The following TTC17 variants were observed in gnomAD, a reference collection of about 807,000 sequenced individuals.
The protein encoded by TTC17 is tetratricopeptide repeat domain 17.
In TTC17, 58 loss-of-function variants were observed where a neutral mutation model predicts 143.8. The observed-to-expected ratio is 0.40, with a 90% confidence interval of 0.33 to 0.50. The LOEUF is 0.50. Among genes scored for constraint, TTC17 ranks in the 20% least tolerant of loss-of-function variants. The probability of loss-of-function intolerance (pLI) is 0.49; values close to 1 mark genes in which losing one functional copy is unlikely to be tolerated. For synonymous variants in TTC17, 501 were observed against 497.8 expected (o/e 1.01, Z -0.09); for missense variants, 1,273 against 1,392.5 (o/e 0.91, Z 1.37).
chr11:43,429,166 T>G (rs939673773), intron 16 of TTC17, among the ~76,000 whole-genome samples: 1 of 152,218 alleles, frequency 6.6e-6, no homozygotes, highest in East Asian at 1.9e-4. Flanking sequence ...TATGCTTATA[T>G]TAGCAGTGGT....
At chr11:43,463,481 G>A (rs1448450935) in intron 21 of TTC17, among the ~76,000 whole-genome samples, 1 of 150,096 alleles carries the variant, frequency 6.7e-6, no homozygotes, top group African/African-American at 2.4e-5. Context: ...AGTTGTAAGA[G>A]AATTTTAAAA....
chr11:43,384,062 A>T (rs1042088599), intron 2 of TTC17, among the ~76,000 whole-genome samples: 7 of 151,640 alleles, frequency 4.6e-5, no homozygotes, highest in African/African-American at 1.7e-4. Context: ...GGAGAATTGC[A>T]TGAGCCCAGA....
chr11:43,417,351 T>C (rs536066931), intron 16 of TTC17, among the ~76,000 whole-genome samples: 3 of 152,334 alleles, frequency 2.0e-5, no homozygotes, highest in East Asian at 3.9e-4. Context: ...TGAAATCAGA[T>C]GATTCTGTTT....
chr11:43,382,291 T>C (rs1333087525), intron 2 of TTC17, among the ~76,000 whole-genome samples: 1 of 152,206 alleles, frequency 6.6e-6, no homozygotes, highest in African/African-American at 2.4e-5. Flanking sequence ...AGTATGTATT[T>C]CTGCAAGAAG....
chr11:43,443,358 AGAT>A lies in TTC17; in HGVS notation c.2287_2289del (p.Met763del). ...GTTGAGGAGAGCAATGGTTCTGATG[AGAT>A]GGAGAATTCAGATGAAACCAAAATG... On this transcript the variant is annotated inframe_deletion, in exon 17 of 24. Coordinates refer to ENST00000039989, the MANE Select transcript of TTC17 (RefSeq NM_018259.6). 1 of 1,614,124 alleles carries A rather than the reference AGAT, an allele frequency of 6.2e-7. No individual in the cohort carries two copies. Among genetic ancestry groups the A allele is most frequent in the Non-Finnish European group, 8.5e-7 (1 of 1,179,994 alleles).
chr11:43,368,557 C>T (rs1240899762), intron 1 of TTC17, among the ~76,000 whole-genome samples: 1 of 152,204 alleles, frequency 6.6e-6, no homozygotes, highest in African/African-American at 2.4e-5. Context: ...ACCTCCATTT[C>T]TGTAATTCCA....
chr11:43,456,389 G>A (rs1947764525), intron 21 of TTC17, among the ~76,000 whole-genome samples: 1 of 152,038 alleles, frequency 6.6e-6, no homozygotes, highest in Admixed American at 6.5e-5. Context: ...CATATGTCTG[G>A]AAAACCCAAA....
At chr11:43,435,085 A>C (rs987927323) in intron 16 of TTC17, 2 of 117,262 alleles carry the variant, frequency 1.7e-5, no homozygotes, top group African/African-American at 6.1e-5. Flanking sequence ...GATGATAGAT[A>C]GATAGATAGA....
chr11:43,432,784 C>CT (rs149623026), intron 16 of TTC17, among the ~76,000 whole-genome samples: 12,025 of 152,186 alleles, frequency 0.079, 617 homozygotes, highest in Middle Eastern at 0.15. Flanking sequence ...ACAAAGGCAA[C>CT]TTTTTTTAGT....
rs551632396 is a variant in TTC17, at chr11:43,408,361, C to T, written c.2064+784C>T. On this transcript the variant is annotated intron_variant, in intron 15 of 23. Transcript: ENST00000039989. ...ATATTGCCTGTTTTCTTTTGAAATA[C>T]AGAAATTCACAACTGGATTTTAAGC... Among the ~76,000 whole-genome samples, 10 of 152,230 alleles carry T rather than the reference C, an allele frequency of 6.6e-5. No homozygotes were observed. The South Asian group carries it at 1.4e-3, about 22-fold the overall frequency.
chr11:43,478,104 G>C (rs1948218454), intron 21 of TTC17, among the ~76,000 whole-genome samples: 1 of 152,190 alleles, frequency 6.6e-6, no homozygotes, highest in African/African-American at 2.4e-5. Flanking sequence ...GAACAAAGGA[G>C]CATGTTAAAT....
intron 15 of TTC17, among the ~76,000 whole-genome samples, chr11:43,412,287 C>T (rs1454781675): frequency 2.6e-5 from 4 of 151,954 alleles, no homozygotes; most frequent in African/African-American, 9.7e-5. Flanking sequence ...AGCTCAGTAC[C>T]AGCCTGGGCA....
chr11:43,468,540 G>C (rs1247371163), intron 21 of TTC17, among the ~76,000 whole-genome samples: 2 of 152,064 alleles, frequency 1.3e-5, no homozygotes, highest in East Asian at 1.9e-4. Flanking sequence ...AAAGCTACCA[G>C]AGCAAAACAT....
At chr11:43,409,808 T>C (rs959578346) in intron 15 of TTC17, among the ~76,000 whole-genome samples, 1 of 152,108 alleles carries the variant, frequency 6.6e-6, no homozygotes, top group Non-Finnish European at 1.5e-5. Flanking sequence ...AGTTTTATCT[T>C]GTGGTTGTTT....
chr11:43,479,431 A>G (rs779697276), intron 21 of TTC17, among the ~76,000 whole-genome samples: 1 of 152,240 alleles, frequency 6.6e-6, no homozygotes, highest in Non-Finnish European at 1.5e-5. Context: ...GATGGGTTAC[A>G]TGAATTAGAC....
At chr11:43,449,949 A>G (rs1015097566) in intron 19 of TTC17, 133 bp from the exon 20 acceptor site, 3 of 994,714 alleles carry the variant, frequency 3.0e-6, no homozygotes, top group Non-Finnish European at 4.4e-6. Context: ...GTTTAAAATC[A>G]GGGGATAGCA....
chr11:43,408,415 C>T (rs774587595), intron 15 of TTC17, among the ~76,000 whole-genome samples: 2 of 152,114 alleles, frequency 1.3e-5, no homozygotes, highest in Non-Finnish European at 2.9e-5. Context: ...TATTATGTAA[C>T]AGGTCACATT....
rs1403046270 is a variant in TTC17 at position 43,404,068 on chromosome 11, T to C, written c.1403T>C (p.Ile468Thr). Residue 468 changes from isoleucine (I) to threonine (T), a missense_variant, in exon 11 of 24, where the codon ATC (isoleucine) becomes ACC (threonine). Around this residue, in one of 3 missense-constraint regions of TTC17, gnomAD observed 878 missense variants for 899.8 expected, o/e 0.98. Transcript: ENST00000039989. ...NFDVQSNQSD[I>T]NDSVKSSPVA... The stretch of plus-strand genomic sequence containing the variant: ...GATGTTCAATCAAATCAGAGTGATA[T>C]CAATGATTCGGTCAAGTCTTCTCCC... 9 of 1,613,228 alleles carry C rather than the reference T, an allele frequency of 5.6e-6. No homozygotes were observed. The African/African-American group carries it at 6.7e-5, about 12-fold the overall frequency.
At chr11:43,434,194 C>G (rs1246469026) in intron 16 of TTC17, among the ~76,000 whole-genome samples, 2 of 127,010 alleles carry the variant, frequency 1.6e-5, no homozygotes. Context: ...CACACACACA[C>G]ACACACACAC....
Sources: gnomAD v4.1 joint callset for allele counts (sites outside exome capture counted in the v4.1 genomes callset) on GRCh38, gnomAD v4.1.1 for gene constraint, gnomAD v4.1.1 regional missense constraint, MANE v1.5 for transcripts, NCBI Gene and HGNC (gene_info 2026-07-23, HGNC 2026-07-21) for gene names.